Variants in CAPN3 observed in about 807,000 individuals in gnomAD.
The protein encoded by CAPN3 is calpain 3, also known as calpain-3.
CAPN3 carries 88 observed loss-of-function variants against 114.0 expected under a neutral mutation model. That is an observed-to-expected ratio of 0.77 (90% confidence interval 0.65 to 0.92). CAPN3 has a LOEUF of 0.92. Ranked by LOEUF, CAPN3 falls within the 40% of genes least tolerant of loss-of-function variation. CAPN3 has a pLI of 0.00. For synonymous variants in CAPN3, 386 were observed against 382.9 expected, an observed-to-expected ratio of 1.01 and a Z score of -0.09; for missense variants, 1,028 against 1,069.0, an observed-to-expected ratio of 0.96 and a Z score of 0.53.
chr15:42,380,578 T>C (rs1716092202), intron 1 of CAPN3, among the ~76,000 whole-genome samples: 1 of 147,816 alleles, frequency 6.8e-6, no homozygotes, highest in South Asian at 2.1e-4. Context: ...GGTGTGTGTG[T>C]ATGTGTGTAT....
chr15:42,400,562 C>T (rs975154443), intron 10 of CAPN3, among the ~76,000 whole-genome samples: 1 of 148,434 alleles, frequency 6.7e-6, no homozygotes, highest in Non-Finnish European at 1.5e-5. Context: ...GACACCTCAT[C>T]GTTACAAAAA....
chr15:42,388,537 G>C (rs1032788903), intron 4 of CAPN3, among the ~76,000 whole-genome samples: 5 of 152,066 alleles, frequency 3.3e-5, no homozygotes, highest in African/African-American at 1.2e-4. Context: ...GAACTCTTGG[G>C]CTCATGCAAT....
At chr15:42,387,992 CAT>C (rs2053450452) in intron 4 of CAPN3, 106 bp downstream of exon 4, 1 of 1,367,336 alleles carries the variant, frequency 7.3e-7, no homozygotes, top group Non-Finnish European at 1.0e-6. Context: ...TCTATACGTG[CAT>C]ATGTGTGGGC....
intron 1 of CAPN3, among the ~76,000 whole-genome samples, chr15:42,382,040 G>T (rs931135295): frequency 3.3e-5 from 5 of 152,260 alleles, no homozygotes; most frequent in Non-Finnish European, 5.9e-5. Flanking sequence ...AATAAAGGAA[G>T]TCATATTGTA....
chr15:42,389,208 G>C, intron 5 of CAPN3, 112 bp downstream of exon 5: 1 of 1,009,896 alleles, frequency 9.9e-7, no homozygotes, highest in Non-Finnish European at 1.5e-6. Context: ...TGTTTTGTTT[G>C]AGGAAGCAGG....
In CAPN3 at chr15:42,410,488, G is replaced by A; in HGVS notation, c.2176G>A (p.Ala726Thr). The A allele has an allele frequency of 6.2e-7, 1 of 1,614,114 alleles. No individual in the cohort carries two copies. The highest frequency in any genetic ancestry group is 8.5e-7 in the Non-Finnish European group (1 of 1,179,990). The change falls in exon 20 of 24, where the codon GCC (alanine) becomes ACC (threonine). Residue 726 changes from alanine to threonine, a missense_variant. By Grantham distance (58) the Ala-to-Thr change is moderately conservative. Coordinates refer to ENST00000397163, the MANE Select transcript of CAPN3 (RefSeq NM_000070.3). ...EFHHLWNKIK[A>T]WQKIFKHYDT... ...CCACCACCTCTGGAACAAGATTAAG[G>A]CCTGGCAGGTGGGAAGAGAAAATGA...
At chr15:42,384,714 C>T (rs981756435) in intron 2 of CAPN3, among the ~76,000 whole-genome samples, 162 bp downstream of exon 2, 53 of 152,284 alleles carry the variant, frequency 3.5e-4, no homozygotes, top group African/African-American at 1.3e-3. Context: ...TACATGCTGG[C>T]GATTGCTTCA....
At chr15:42,372,020 A>G (rs1160820432) in intron 1 of CAPN3, among the ~76,000 whole-genome samples, 2 of 152,030 alleles carry the variant, frequency 1.3e-5, no homozygotes, top group African/African-American at 4.8e-5. Flanking sequence ...TGGGACTTTT[A>G]TTGCAGTTAC....
intron 15 of CAPN3, among the ~76,000 whole-genome samples, chr15:42,407,764 G>A (rs917048860): frequency 6.6e-6 from 1 of 152,170 alleles, no homozygotes; most frequent in African/African-American, 2.4e-5. Flanking sequence ...TTCCTTTGAG[G>A]TGCCTCAGTA....
chr15:42,395,743 C>T (rs2053671963), intron 8 of CAPN3, among the ~76,000 whole-genome samples: 1 of 152,210 alleles, frequency 6.6e-6, no homozygotes. Context: ...GCTGTTCACT[C>T]AAGGAGATTC....
intron 2 of CAPN3, chr15:42,385,841 A>T: frequency 1.8e-6 from 1 of 570,966 alleles, no homozygotes; most frequent in Non-Finnish European, 3.4e-6. Flanking sequence ...AGGAAGAACA[A>T]CCCAGTTATG....
chr15:42,401,938 C>A (rs1029512172), intron 11 of CAPN3, 128 bp downstream of exon 11: 1 of 1,319,586 alleles, frequency 7.6e-7, no homozygotes, highest in Non-Finnish European at 1.1e-6. Context: ...GGTATCAGGA[C>A]CACTTGTGTT....
chr15:42,396,137 C>T (rs1191270017), intron 8 of CAPN3, among the ~76,000 whole-genome samples: 1 of 152,048 alleles, frequency 6.6e-6, no homozygotes, highest in African/African-American at 2.4e-5. Flanking sequence ...TTTCCTTTTG[C>T]AATTGAGGAA....
Position 42,401,787 on chromosome 15 carries a change from A to G in CAPN3, c.1501A>G (p.Thr501Ala). ...CCGGAAGCTAGGGGCCAGTCTCTTC[A>G]CCATTGGCTTCGCCATCTACGAGGT... ...KDRKLGASLFTIGFAIYEVPK... is the reference protein window; with the variant it reads ...KDRKLGASLFAIGFAIYEVPK... Residue 501 changes from threonine to alanine, a missense_variant, in exon 11 of 24, where the codon ACC becomes GCC. Thr to Ala is a moderately conservative substitution (Grantham distance 58). Transcript: ENST00000397163. 1 of 1,613,788 alleles carries G rather than the reference A, an allele frequency of 6.2e-7. No individual in the cohort carries two copies. Among genetic ancestry groups the G allele is most frequent in the Non-Finnish European group, 8.5e-7 (1 of 1,179,884 alleles).
At chr15:42,360,734 A>G (rs1026317984) in intron 1 of CAPN3, among the ~76,000 whole-genome samples, 2 of 152,174 alleles carry the variant, frequency 1.3e-5, no homozygotes, top group African/African-American at 4.8e-5. Context: ...CTAGAGTGAA[A>G]TATATCTAGT....
At position 42,408,228 on chromosome 15, in the gene CAPN3, G is replaced by A. The variant is rs28364528; in HGVS notation, c.1818G>A (p.Ser606=). The change falls in exon 16 of 24, where the codon TCG becomes TCA. Residue 606 remains serine (S), a synonymous_variant. Transcript: ENST00000397163. ...KKKTKPIIFV[S]DRANSNKELG... Reference sequence around the variant, plus strand: ...CTCTCCAGCCCATCATCTTCGTTTCGGACAGAGCAAACAGCAACAAGGAGC... The same window carrying A: ...CTCTCCAGCCCATCATCTTCGTTTCAGACAGAGCAAACAGCAACAAGGAGC... The A allele has an allele frequency of 5.5e-5, 89 of 1,613,216 alleles. No individual in the cohort carries two copies. Among genetic ancestry groups the A allele is most frequent in the Admixed American group, 4.0e-4 (24 of 59,984 alleles).
intron 3 of CAPN3, among the ~76,000 whole-genome samples, chr15:42,387,397 T>C (rs2053432842): frequency 6.6e-6 from 1 of 152,166 alleles, no homozygotes; most frequent in Non-Finnish European, 1.5e-5. Context: ...TTGAATCAGC[T>C]GGGGGCACCT....
At chr15:42,400,555 A>C (rs1216144753) in intron 10 of CAPN3, among the ~76,000 whole-genome samples, 5 of 150,932 alleles carry the variant, frequency 3.3e-5, no homozygotes, top group Non-Finnish European at 7.4e-5. Flanking sequence ...ACATAGTGAC[A>C]CCTCATCGTT....
In CAPN3 at chr15:42,404,328, C is replaced by T. The variant is rs1187356778; in HGVS notation, c.1782+551C>T. ...TGTGAAGTGTCTGGCACAGCATGGG[C>T]ACTCAAACAGAGGTGCTTTTTCACA... On this transcript the variant is annotated intron_variant, in intron 14 of 23. Transcript: ENST00000397163. 6.6e-6 allele frequency: 3 copies of T among 456,542 alleles called. No homozygotes were observed. In the East Asian group the frequency reaches 2.1e-4, roughly 32 times the overall value. 28.3% of individuals were successfully genotyped at this position (456,542 alleles called of 1,614,324 possible). A position where few individuals can be genotyped will look rare whatever the true frequency, so the allele number is the denominator to read the frequency against.
Sources: allele counts gnomAD v4.1 joint callset (sites outside exome capture counted in the v4.1 genomes callset), GRCh38; gene constraint gnomAD v4.1.1; transcripts MANE v1.5; gene names NCBI Gene and HGNC (gene_info 2026-07-23, HGNC 2026-07-21).